ZC3H8: variants seen among roughly 807,000 people sequenced by gnomAD.
The protein encoded by ZC3H8 is zinc finger CCCH domain-containing protein 8.
Under a neutral mutation model 42.5 loss-of-function variants are expected in ZC3H8, and 27 were observed. That is an observed-to-expected ratio of 0.64 (90% CI 0.47 to 0.88). The LOEUF (loss-of-function observed/expected upper bound fraction) is 0.88. Among genes scored for constraint, ZC3H8 ranks in the 40% least tolerant of loss-of-function variants. ZC3H8 has a pLI of 0.00. For missense variants in ZC3H8, 277 were observed against 336.1 expected (o/e 0.82, Z 1.37); for synonymous variants, 101 against 110.1 (o/e 0.92, Z 0.52).
intron 2 of ZC3H8, among the ~76,000 whole-genome samples, chr2:112,244,778 G>C (rs939002288): frequency 6.6e-5 from 10 of 152,258 alleles, no homozygotes; most frequent in South Asian, 2.1e-4. Context: ...ATAAGATGGC[G>C]AACTTAATCG....
intron 2 of ZC3H8, 159 bp downstream of exon 2, chr2:112,250,032 G>C (rs1685893507): frequency 4.3e-6 from 2 of 470,416 alleles, no homozygotes; most frequent in Admixed American, 8.1e-5. Context: ...TTTGATATAA[G>C]TAACTGGGTC....
chr2:112,216,479 A>G lies in ZC3H8; in HGVS notation c.*16-11T>C, dbSNP rs1189887346. On this transcript the variant is annotated splice_polypyrimidine_tract_variant and intron_variant, in intron 8 of 8. Coordinates refer to ENST00000409573, the MANE Select transcript of ZC3H8 (RefSeq NM_032494.3). ...TCTGTACATTGCTACCTACAGAAGA[A>G]AACAGAGAACAAAAACACATCAGCT... 2 of 152,298 alleles carry G rather than the reference A, an allele frequency of 1.3e-5. No homozygotes were observed. The highest frequency in any genetic ancestry group is 2.9e-5 in the Non-Finnish European group (2 of 68,066). 9.4% of individuals were successfully genotyped at this position (152,298 alleles called of 1,614,324 possible).
At chr2:112,226,589 C>CAGAAAAAAAA (rs1684850406) in intron 8 of ZC3H8, among the ~76,000 whole-genome samples, 1 of 74,226 alleles carries the variant, frequency 1.3e-5, no homozygotes, top group Non-Finnish European at 2.5e-5. Context: ...GACTCCATCT[C>CAGAAAAAAAA]AAAAAAAAAA....
chr2:112,217,487 A>G (rs1376130940), intron 8 of ZC3H8, among the ~76,000 whole-genome samples: 1 of 152,270 alleles, frequency 6.6e-6, no homozygotes, highest in Non-Finnish European at 1.5e-5. Flanking sequence ...TGTTACATTA[A>G]AATCCATTGG....
chr2:112,230,973 T>C lies in ZC3H8; in HGVS notation c.844-23A>G, dbSNP rs375606309. On this transcript the variant is annotated intron_variant, in intron 7 of 8. Transcript: ENST00000409573. ...AACCTAATATAAAAAAAAAATCACA[T>C]AATCATTTTTATGCATTCATGTGTA... The C allele has an allele frequency of 2.2e-5, 27 of 1,208,902 alleles. No individual in the cohort carries two copies. The African/African-American group carries it at 4.2e-4, about 19-fold the overall frequency. 74.9% of individuals were successfully genotyped at this position (1,208,902 alleles called of 1,614,324 possible).
chr2:112,226,589 C>CAAAA (rs549996878), intron 8 of ZC3H8, among the ~76,000 whole-genome samples: 1 of 74,226 alleles, frequency 1.3e-5, no homozygotes, highest in Non-Finnish European at 2.5e-5. Context: ...GACTCCATCT[C>CAAAA]AAAAAAAAAA....
At chr2:112,254,687 T>G (rs1558937162) in intron 1 of ZC3H8, among the ~76,000 whole-genome samples, 1 of 152,178 alleles carries the variant, frequency 6.6e-6, no homozygotes, top group East Asian at 1.9e-4. Context: ...GCCCCGGCCC[T>G]GACGGCCTAA....
chr2:112,231,558 GCTTT>G, intron 7 of ZC3H8, among the ~76,000 whole-genome samples: 1 of 151,994 alleles, frequency 6.6e-6, no homozygotes, highest in Non-Finnish European at 1.5e-5. Flanking sequence ...TATTTGATTT[GCTTT>G]GTTTAGCTTA....
chr2:112,238,294 A>T, intron 3 of ZC3H8, 21 bp downstream of exon 3: 1 of 1,606,632 alleles, frequency 6.2e-7, no homozygotes, highest in South Asian at 1.1e-5. Context: ...ACTTTAAATG[A>T]TAAAATAGTT....
chr2:112,212,481 T>C lies in ZC3H8; in HGVS notation c.*4003A>G, dbSNP rs1420103120. 6.6e-6 allele frequency: 1 copy of C among 152,218 alleles called. No homozygotes were observed. Among genetic ancestry groups the C allele is most frequent in the East Asian group, 1.9e-4 (1 of 5,200 alleles). 9.4% of individuals were successfully genotyped at this position (152,218 alleles called of 1,614,324 possible). ...TTGGGAAGAAGAATGTAGGTTTGCT[T>C]CTTAGTTCACATTTATTAGTTTCCC... On this transcript the variant is annotated 3_prime_UTR_variant, in exon 9 of 9. Transcript: ENST00000409573.
At chr2:112,228,572 C>T (rs1486472620) in intron 8 of ZC3H8, among the ~76,000 whole-genome samples, 3 of 150,536 alleles carry the variant, frequency 2.0e-5, no homozygotes, top group South Asian at 4.2e-4. Context: ...TTAACTCACA[C>T]AATTCCTAAA....
chr2:112,223,366 AAC>A (rs1483687528), intron 8 of ZC3H8, among the ~76,000 whole-genome samples: 2 of 152,208 alleles, frequency 1.3e-5, no homozygotes, highest in African/African-American at 2.4e-5. Flanking sequence ...AATTTCTAGA[AAC>A]ACACAAACAA....
At chr2:112,254,250 CA>C (rs1342931832) in intron 1 of ZC3H8, among the ~76,000 whole-genome samples, 3 of 152,172 alleles carry the variant, frequency 2.0e-5, no homozygotes, top group Non-Finnish European at 4.4e-5. Context: ...TGGTTTTTAG[CA>C]TTTCAAATCA....
chr2:112,222,710 T>TAA (rs937275340), intron 8 of ZC3H8, among the ~76,000 whole-genome samples: 3 of 152,174 alleles, frequency 2.0e-5, no homozygotes, highest in African/African-American at 7.2e-5. Context: ...ATGAGATATC[T>TAA]AAAGTAGTCA....
At chr2:112,235,289 G>T (rs898257822) in intron 4 of ZC3H8, among the ~76,000 whole-genome samples, 1 of 152,114 alleles carries the variant, frequency 6.6e-6, no homozygotes, top group African/African-American at 2.4e-5. Context: ...TTTAAATCTT[G>T]TTTTATTTGG....
intron 5 of ZC3H8, 82 bp downstream of exon 5, chr2:112,234,038 C>A: frequency 1.3e-6 from 1 of 797,006 alleles, no homozygotes; most frequent in Non-Finnish European, 1.9e-6. Flanking sequence ...GCTTTAAAAA[C>A]CTAAAGGTAT....
intron 3 of ZC3H8, 30 bp downstream of exon 3, chr2:112,238,285 C>T: frequency 1.2e-6 from 2 of 1,601,730 alleles, no homozygotes; most frequent in Non-Finnish European, 1.7e-6. Flanking sequence ...TCTAGATAAA[C>T]TTTAAATGAT....
chr2:112,252,058 C>T (rs1685968102), intron 1 of ZC3H8, among the ~76,000 whole-genome samples: 1 of 152,178 alleles, frequency 6.6e-6, no homozygotes, highest in Non-Finnish European at 1.5e-5. Context: ...CATCTATATT[C>T]TCATTCCAGG....
At chr2:112,252,328 G>A (rs1370588977) in intron 1 of ZC3H8, among the ~76,000 whole-genome samples, 2 of 152,130 alleles carry the variant, frequency 1.3e-5, no homozygotes, top group Non-Finnish European at 2.9e-5. Context: ...AAACCTTAAA[G>A]TCAATCTTGA....
Sources: allele counts gnomAD v4.1 joint callset (sites outside exome capture counted in the v4.1 genomes callset), GRCh38; gene constraint gnomAD v4.1.1; transcripts MANE v1.5; gene names NCBI Gene and HGNC (gene_info 2026-07-23, HGNC 2026-07-21).